The following UGGT2 variants were observed in gnomAD, a reference collection of about 807,000 sequenced individuals.
The protein encoded by UGGT2 is UDP-glucose:glycoprotein glucosyltransferase 2.
In UGGT2, 180 loss-of-function variants were observed where a neutral mutation model predicts 192.1. The ratio of observed to expected loss-of-function variants is 0.94; its 90% CI spans 0.83 to 1.06. UGGT2 has a LOEUF of 1.06. UGGT2 is among the 50% of genes least tolerant of loss of function. The probability of loss-of-function intolerance (pLI) is 0.00; values close to 1 mark genes in which losing one functional copy is unlikely to be tolerated. For missense variants in UGGT2, 1,849 were observed against 1,795.7 expected, an observed-to-expected ratio of 1.03 and a Z score of -0.54; for synonymous variants, 580 against 591.0, an observed-to-expected ratio of 0.98 and a Z score of 0.27.
rs759032512 is a variant in UGGT2 at position 95,970,273 on chromosome 13, A to G, written c.1185-11T>C. 75 of 1,581,858 alleles carry G rather than the reference A, an allele frequency of 4.7e-5. 1 individual carries two copies. The South Asian group carries it at 8.6e-4, about 18-fold the overall frequency. ...AGCATATCCAAAATACTATATATTC[A>G]AAGAAAAAACAGTTTTATTTTGATT... On this transcript the variant is annotated splice_polypyrimidine_tract_variant and intron_variant, in intron 11 of 38. Coordinates refer to ENST00000376747, the MANE Select transcript of UGGT2 (RefSeq NM_020121.4).
rs1594161686 is a variant in UGGT2, at chr13:95,856,483, C to T, written c.3826-143G>A. On this transcript the variant is annotated intron_variant, in intron 33 of 38. Coordinates refer to ENST00000376747, the MANE Select transcript of UGGT2 (RefSeq NM_020121.4). ...AGATGTCTAAATACTACTTCTATAA[C>T]ATACTTATTAATGAGAAATATTAAA... The T allele has an allele frequency of 8.6e-6, 6 of 699,862 alleles. No individual in the cohort carries two copies. The East Asian group carries it at 1.7e-4, about 20-fold the overall frequency. 43.4% of individuals were successfully genotyped at this position (699,862 alleles called of 1,614,324 possible).
At chr13:95,863,548 A>C (rs1440902157) in intron 31 of UGGT2, 81 bp downstream of exon 31, 1 of 1,164,586 alleles carries the variant, frequency 8.6e-7, no homozygotes, top group East Asian at 2.3e-5. Context: ...CCTTACTTAA[A>C]TTTTCACTAC....
intron 16 of UGGT2, 61 bp from the exon 17 acceptor site, chr13:95,937,149 A>T (rs2049493558): frequency 9.9e-6 from 15 of 1,518,020 alleles, no homozygotes; most frequent in Non-Finnish European, 1.2e-5. Context: ...TAATAAACAT[A>T]AGAAAATGGA....
chr13:95,910,697 A>C (rs1028783504), intron 20 of UGGT2, among the ~76,000 whole-genome samples: 1 of 152,138 alleles, frequency 6.6e-6, no homozygotes, highest in Non-Finnish European at 1.5e-5. Context: ...AATGTTAACA[A>C]GGATATCCAG....
chr13:95,898,522 T>A (rs1242466954), intron 22 of UGGT2, among the ~76,000 whole-genome samples: 1 of 152,136 alleles, frequency 6.6e-6, no homozygotes, highest in African/African-American at 2.4e-5. Flanking sequence ...TTCACCTTCT[T>A]TGGTTCTTTG....
intron 22 of UGGT2, 143 bp downstream of exon 22, chr13:95,900,664 G>T: frequency 1.3e-6 from 1 of 759,338 alleles, no homozygotes; most frequent in Non-Finnish European, 1.9e-6. Flanking sequence ...TTTTATTTAT[G>T]CTGAGTTGTG....
chr13:95,871,690 A>G (rs1891235232), intron 29 of UGGT2, among the ~76,000 whole-genome samples: 1 of 152,136 alleles, frequency 6.6e-6, no homozygotes, highest in Non-Finnish European at 1.5e-5. Context: ...ATGTCTAGGT[A>G]TTTCCACAGA....
intron 29 of UGGT2, among the ~76,000 whole-genome samples, chr13:95,872,859 G>A (rs1193463470): frequency 6.6e-6 from 1 of 152,170 alleles, no homozygotes; most frequent in African/African-American, 2.4e-5. Context: ...ATGTGCTATT[G>A]TATAACTGTA....
intron 27 of UGGT2, among the ~76,000 whole-genome samples, chr13:95,878,899 A>C (rs2047416233): frequency 1.3e-5 from 2 of 152,190 alleles, no homozygotes; most frequent in South Asian, 4.1e-4. Flanking sequence ...ACTTCTTTGA[A>C]GACAGTATTT....
chr13:95,854,218 T>C, intron 35 of UGGT2, 97 bp downstream of exon 35: 1 of 1,400,514 alleles, frequency 7.1e-7, no homozygotes. Flanking sequence ...TTTTATTGTG[T>C]AATTTTTAAG....
chr13:96,033,154 G>A (rs2139164721), intron 1 of UGGT2, among the ~76,000 whole-genome samples: 1 of 152,282 alleles, frequency 6.6e-6, no homozygotes, highest in Non-Finnish European at 1.5e-5. Flanking sequence ...GACACAAATG[G>A]AAAAACATTC....
intron 38 of UGGT2, among the ~76,000 whole-genome samples, chr13:95,821,430 G>A (rs1429686513): frequency 1.3e-5 from 2 of 152,008 alleles, no homozygotes; most frequent in Non-Finnish European, 2.9e-5. Flanking sequence ...CGTTTGATGG[G>A]ATTATTTTTT....
intron 20 of UGGT2, among the ~76,000 whole-genome samples, chr13:95,921,927 T>C (rs2048857161): frequency 6.6e-6 from 1 of 152,170 alleles, no homozygotes; most frequent in African/African-American, 2.4e-5. Flanking sequence ...CATTGCTGGG[T>C]ATATATCCAA....
chr13:96,029,100 G>A (rs1302185531), intron 2 of UGGT2, among the ~76,000 whole-genome samples: 10 of 152,008 alleles, frequency 6.6e-5, no homozygotes, highest in Admixed American at 3.3e-4. Context: ...GCAGTTAGCC[G>A]AGATCATGCC....
At chr13:96,019,131 G>GAC (rs2052437076) in intron 4 of UGGT2, among the ~76,000 whole-genome samples, 1 of 130,386 alleles carries the variant, frequency 7.7e-6, no homozygotes, top group Admixed American at 7.6e-5. Flanking sequence ...GCGGGGGGGG[G>GAC]GGGGGGGAAT....
intron 25 of UGGT2, among the ~76,000 whole-genome samples, chr13:95,889,643 C>CT (rs2047744915): frequency 6.6e-6 from 1 of 152,156 alleles, no homozygotes; most frequent in Non-Finnish European, 1.5e-5. Flanking sequence ...CTACTGAAGG[C>CT]TGCATTCTAA....
At chr13:95,947,270 G>C in intron 14 of UGGT2, 98 bp from the exon 15 acceptor site, 3 of 1,222,364 alleles carry the variant, frequency 2.5e-6, no homozygotes, top group Non-Finnish European at 3.4e-6. Context: ...TCTAGATGGA[G>C]AGAATGTATT....
chr13:95,927,423 A>G, intron 17 of UGGT2, 87 bp from the exon 18 acceptor site: 1 of 1,155,686 alleles, frequency 8.7e-7, no homozygotes, highest in South Asian at 2.0e-5. Flanking sequence ...AGATTACTTA[A>G]TCAAAAATAA....
rs141853446 is a variant in UGGT2, at chr13:95,887,914, G to A, written c.3016C>T (p.Leu1006Phe). 987 of 1,602,378 alleles carry A rather than the reference G, an allele frequency of 6.2e-4. 4 individuals carry two copies. Among genetic ancestry groups the A allele is most frequent in the Middle Eastern group, 2.2e-3 (13 of 5,870 alleles). ...IKLFMNCRGR[L>F]SEAPLESFYR... is the part of the protein sequence containing the mutation. Reference sequence around the variant, plus strand: ...TACCTTTCTAAAGGGGCTTCTGAAAGCCTGCCCCTACAGTTCATGAACAAC... The same window carrying A: ...TACCTTTCTAAAGGGGCTTCTGAAAACCTGCCCCTACAGTTCATGAACAAC... The change falls in exon 26 of 39, where the codon CTT (leucine) becomes TTT (phenylalanine). Residue 1006 changes from leucine (L) to phenylalanine (F), a missense_variant. Coordinates refer to ENST00000376747, the MANE Select transcript of UGGT2 (RefSeq NM_020121.4).
Sources: allele counts gnomAD v4.1 joint callset (sites outside exome capture counted in the v4.1 genomes callset), GRCh38; gene constraint gnomAD v4.1.1; transcripts MANE v1.5; gene names NCBI Gene and HGNC (gene_info 2026-07-23, HGNC 2026-07-21).